APMAP: variants seen among roughly 807,000 people sequenced by gnomAD.
APMAP encodes adipocyte plasma membrane-associated protein.
Under a neutral mutation model 43.6 loss-of-function variants are expected in APMAP, and 33 were observed. The observed-to-expected ratio is 0.76, with a 90% CI of 0.57 to 1.01. APMAP has a LOEUF of 1.01. Ranked by LOEUF, APMAP falls within the 50% of genes least tolerant of loss-of-function variation. The pLI, the probability that APMAP is intolerant of heterozygous loss-of-function variation, is 0.00. For synonymous variants in APMAP, 224 were observed against 216.7 expected, an observed-to-expected ratio of 1.03 and a Z score of -0.30; for missense variants, 498 against 540.7, an observed-to-expected ratio of 0.92 and a Z score of 0.78.
At chr20:24,977,190 C>G (rs1008674449) in intron 3 of APMAP, among the ~76,000 whole-genome samples, 2 of 152,212 alleles carry the variant, frequency 1.3e-5, no homozygotes, top group African/African-American at 2.4e-5. Flanking sequence ...GTACTATTGA[C>G]GTATTGATGT....
At chr20:24,983,426 T>G (rs2088120844) in intron 2 of APMAP, among the ~76,000 whole-genome samples, 1 of 152,196 alleles carries the variant, frequency 6.6e-6, no homozygotes, top group Admixed American at 6.5e-5. Flanking sequence ...TGAATCTATT[T>G]CAGGGGGCTT....
chr20:24,968,717 C>G (rs931819615), intron 8 of APMAP, among the ~76,000 whole-genome samples, 175 bp downstream of exon 8: 4 of 152,100 alleles, frequency 2.6e-5, no homozygotes, highest in Non-Finnish European at 5.9e-5. Context: ...CCATAAGAAC[C>G]AAAGGGTCCA....
At chr20:24,965,450 G>A (rs561462894) in intron 8 of APMAP, among the ~76,000 whole-genome samples, 1 of 152,378 alleles carries the variant, frequency 6.6e-6, no homozygotes, top group South Asian at 2.1e-4. Context: ...GGCTGAGCAG[G>A]GTACATGTGT....
intron 8 of APMAP, among the ~76,000 whole-genome samples, chr20:24,968,597 A>T (rs2087967034): frequency 1.4e-5 from 2 of 146,374 alleles, no homozygotes; most frequent in Non-Finnish European, 1.5e-5. Context: ...CACGATGGTG[A>T]GGGTGGCAAT....
At chr20:24,970,146 C>T (rs560875623) in intron 6 of APMAP, 51 bp downstream of exon 6, 2 of 1,601,332 alleles carry the variant, frequency 1.2e-6, no homozygotes, top group South Asian at 2.2e-5. Flanking sequence ...GCTGAAGCAA[C>T]TGGCCTGGCT....
chr20:24,973,388 G>A (rs367937518), intron 4 of APMAP, among the ~76,000 whole-genome samples: 17 of 152,160 alleles, frequency 1.1e-4, no homozygotes, highest in African/African-American at 4.1e-4. Flanking sequence ...TGAGGGGCGA[G>A]GCCCATGCAG....
At chr20:24,987,404 C>A (rs1415690445) in intron 1 of APMAP, among the ~76,000 whole-genome samples, 1 of 152,180 alleles carries the variant, frequency 6.6e-6, no homozygotes, top group Non-Finnish European at 1.5e-5. Context: ...CTGAGATGAG[C>A]AGGCATGAGC....
At chr20:24,989,660 CT>C (rs2088175160) in intron 1 of APMAP, among the ~76,000 whole-genome samples, 1 of 151,558 alleles carries the variant, frequency 6.6e-6, no homozygotes, top group Non-Finnish European at 1.5e-5. Context: ...GTGACAGCAT[CT>C]TGAATTTGTT....
At chr20:24,974,021 C>G (rs2088028968) in intron 3 of APMAP, 1 of 296,938 alleles carries the variant, frequency 3.4e-6, no homozygotes, top group Admixed American at 4.6e-5. Context: ...AGGATTTTCT[C>G]CAGTCCTGAA....
chr20:24,981,937 C>T lies in APMAP; in HGVS notation c.212+1966G>A, dbSNP rs184144716. Among the ~76,000 whole-genome samples, 183 of 152,344 alleles carry T rather than the reference C, an allele frequency of 1.2e-3. 1 individual carries two copies. The highest frequency in any genetic ancestry group is 4.1e-3 in the African/African-American group (170 of 41,580). ...GCTGAGTCAGCACCCGCTGGGATGG[C>T]GTGCATGGGGCATGGCCTGTGTTGT... On this transcript the variant is annotated intron_variant, in intron 2 of 8. Transcript: ENST00000217456.
intron 3 of APMAP, among the ~76,000 whole-genome samples, chr20:24,976,234 G>A (rs1222632098): frequency 6.6e-6 from 1 of 152,074 alleles, no homozygotes; most frequent in African/African-American, 2.4e-5. Context: ...TTGCTCTACA[G>A]AAGATACTGT....
intron 1 of APMAP, among the ~76,000 whole-genome samples, chr20:24,988,466 A>C (rs527314518): frequency 2.0e-5 from 3 of 152,342 alleles, no homozygotes; most frequent in African/African-American, 7.2e-5. Context: ...TACAGCCAGA[A>C]AGGAGGCCAA....
At chr20:24,972,393 G>C (rs2088012449) in intron 4 of APMAP, among the ~76,000 whole-genome samples, 1 of 149,524 alleles carries the variant, frequency 6.7e-6, no homozygotes, top group African/African-American at 2.5e-5. Context: ...ACTCACTGCA[G>C]GTGCTTACTG....
rs1039300099 is a variant in APMAP at position 24,973,535 on chromosome 20, G to A, written c.421+110C>T. ...TCATGTTCCATCTACTAGATGGTCA[G>A]AGGTTCTTTTTCTCCCACAGGCATT... On this transcript the variant is annotated intron_variant, in intron 4 of 8. Coordinates refer to ENST00000217456, the MANE Select transcript of APMAP (RefSeq NM_020531.3). The A allele has an allele frequency of 3.8e-6, 4 of 1,056,354 alleles. No homozygotes were observed. The Admixed American group carries it at 9.4e-5, about 25-fold the overall frequency. 65.4% of individuals were successfully genotyped at this position (1,056,354 alleles called of 1,614,324 possible). A position where few individuals can be genotyped will look rare whatever the true frequency, so the allele number is the denominator to read the frequency against.
chr20:24,990,747 T>C (rs1296594091), intron 1 of APMAP, among the ~76,000 whole-genome samples: 1 of 151,752 alleles, frequency 6.6e-6, no homozygotes, highest in Non-Finnish European at 1.5e-5. Flanking sequence ...ACAAAATAAA[T>C]GAAAAATATA....
At chr20:24,964,114 T>G in intron 8 of APMAP, 92 bp from the exon 9 acceptor site, 9 of 1,297,168 alleles carry the variant, frequency 6.9e-6, no homozygotes, top group East Asian at 2.4e-5. Flanking sequence ...CCAGGAACGG[T>G]CTGACTCCTT....
rs529551014 is a variant in APMAP, at chr20:24,992,740, G to C, written c.-52C>G. 7.3e-7 allele frequency: 1 copy of C among 1,362,998 alleles called. No homozygotes were observed. The highest frequency in any genetic ancestry group is 9.7e-7 in the Non-Finnish European group (1 of 1,027,648). 84.4% of individuals were successfully genotyped at this position (1,362,998 alleles called of 1,614,324 possible). On this transcript the variant is annotated 5_prime_UTR_variant, in exon 1 of 9. Coordinates refer to ENST00000217456, the MANE Select transcript of APMAP (RefSeq NM_020531.3). ...AAACCACCTCACACTGAGCGGCGCC[G>C]GCTCAGACTCCAGGCCCGCCCTCCC... is the stretch of plus-strand genomic sequence containing the variant.
At chr20:24,991,710 G>A (rs1359295237) in intron 1 of APMAP, among the ~76,000 whole-genome samples, 1 of 152,150 alleles carries the variant, frequency 6.6e-6, no homozygotes. Flanking sequence ...ACAACTTCAA[G>A]CTTGGTCTAT....
At chr20:24,983,427 CA>C (rs368636155) in intron 2 of APMAP, among the ~76,000 whole-genome samples, 4 of 152,268 alleles carry the variant, frequency 2.6e-5, no homozygotes, top group African/African-American at 9.6e-5. Context: ...GAATCTATTT[CA>C]GGGGGCTTTA....
Sources: gnomAD v4.1 joint callset for allele counts (sites outside exome capture counted in the v4.1 genomes callset) on GRCh38, gnomAD v4.1.1 for gene constraint, MANE v1.5 for transcripts, NCBI Gene and HGNC (gene_info 2026-07-23, HGNC 2026-07-21) for gene names.